Variants in FAM81A observed in about 807,000 individuals in gnomAD.
FAM81A encodes the protein protein FAM81A.
A neutral mutation model predicts 46.7 loss-of-function variants in FAM81A; 19 were observed. The ratio of observed to expected loss-of-function variants is 0.41; its 90% CI spans 0.28 to 0.60. FAM81A has a LOEUF of 0.60. FAM81A is among the 20% of genes least tolerant of loss of function. The probability of loss-of-function intolerance (pLI) is 0.34; values close to 1 mark genes in which losing one functional copy is unlikely to be tolerated. For missense variants in FAM81A, 377 were observed against 453.5 expected (o/e 0.83, Z 1.53); for synonymous variants, 183 against 152.9 (o/e 1.20, Z -1.45).
At chr15:59,488,171 A>G (rs2081941751) in intron 3 of FAM81A, among the ~76,000 whole-genome samples, 1 of 152,234 alleles carries the variant, frequency 6.6e-6, no homozygotes, top group Admixed American at 6.5e-5. Flanking sequence ...GACAAAAAGC[A>G]TATGATCATA....
intron 4 of FAM81A, among the ~76,000 whole-genome samples, chr15:59,505,195 A>G (rs938788717): frequency 2.6e-5 from 4 of 152,096 alleles, no homozygotes; most frequent in African/African-American, 9.7e-5. Context: ...CACTGATTCT[A>G]TCTTCAACTA....
At chr15:59,443,482 C>A (rs554161383) in intron 1 of FAM81A, among the ~76,000 whole-genome samples, 1 of 152,160 alleles carries the variant, frequency 6.6e-6, no homozygotes, top group South Asian at 2.1e-4. Flanking sequence ...AATCTGGGAC[C>A]GTTTCCCAGT....
rs1273771759 is a variant in FAM81A at position 59,438,277 on chromosome 15, G to A, written c.-83G>A. ...GGCAGCCGCGGCGCGCCCACCCCCCGCGCCGGTGAGTGCCGCGCTCTGGGA... is the reference window on the plus strand; with the variant it reads ...GGCAGCCGCGGCGCGCCCACCCCCCACGCCGGTGAGTGCCGCGCTCTGGGA... On this transcript the variant is annotated 5_prime_UTR_variant, in exon 1 of 9. Coordinates refer to ENST00000288228, the MANE Select transcript of FAM81A (RefSeq NM_152450.3). 1.3e-5 allele frequency: 2 copies of A among 151,106 alleles called. No homozygotes were observed. Among genetic ancestry groups the A allele is most frequent in the Non-Finnish European group, 3.0e-5 (2 of 67,686 alleles). 9.4% of individuals were successfully genotyped at this position (151,106 alleles called of 1,614,324 possible). A position where few individuals can be genotyped will look rare whatever the true frequency, so the allele number is the denominator to read the frequency against.
intron 3 of FAM81A, among the ~76,000 whole-genome samples, chr15:59,463,005 A>G (rs972510125): frequency 6.6e-6 from 1 of 152,220 alleles, no homozygotes; most frequent in East Asian, 1.9e-4. Context: ...AAGTGTGAAC[A>G]TTTTTAGTTT....
At chr15:59,416,061 G>A (rs2081145367) in intron 2 of FAM81A, among the ~76,000 whole-genome samples, 1 of 152,142 alleles carries the variant, frequency 6.6e-6, no homozygotes, top group South Asian at 2.1e-4. Flanking sequence ...TCAAACCACA[G>A]AAAAATGGAA....
At chr15:59,499,751 AATT>A (rs1217971798) in intron 4 of FAM81A, among the ~76,000 whole-genome samples, 43 of 152,134 alleles carry the variant, frequency 2.8e-4, no homozygotes, top group African/African-American at 9.9e-4. Context: ...TTGTGGTCTC[AATT>A]ATTTCTGATG....
At chr15:59,413,311 T>G (rs1394242218) in intron 2 of FAM81A, among the ~76,000 whole-genome samples, 1 of 151,798 alleles carries the variant, frequency 6.6e-6, no homozygotes, top group Non-Finnish European at 1.5e-5. Context: ...GCCCAGAGTG[T>G]GAGGGCCCAG....
At chr15:59,480,567 C>T (rs1474338511) in intron 3 of FAM81A, among the ~76,000 whole-genome samples, 1 of 152,188 alleles carries the variant, frequency 6.6e-6, no homozygotes, top group Non-Finnish European at 1.5e-5. Flanking sequence ...GCTTCTGCTC[C>T]GTGCTTGTGT....
intron 1 of FAM81A, among the ~76,000 whole-genome samples, chr15:59,399,101 G>T (rs4774329): frequency 2.7e-4 from 41 of 151,906 alleles, no homozygotes; most frequent in Non-Finnish European, 4.7e-4. Flanking sequence ...CCTGGGAGGC[G>T]GAGGTTATGG....
chr15:59,493,072 GCCTAAGAGCCAAGCACAT>G (rs1436222975), intron 4 of FAM81A, among the ~76,000 whole-genome samples: 1 of 152,178 alleles, frequency 6.6e-6, no homozygotes, highest in Non-Finnish European at 1.5e-5. Flanking sequence ...CCTCTGCTGG[GCCTAAGAGCCAAGCACAT>G]TAATGCATAT....
At chr15:59,499,886 C>G (rs1596532807) in intron 4 of FAM81A, among the ~76,000 whole-genome samples, 1 of 149,282 alleles carries the variant, frequency 6.7e-6, no homozygotes, top group East Asian at 1.9e-4. Flanking sequence ...AGACAGATAC[C>G]CTGTCGCCCA....
At chr15:59,423,317 C>G (rs1238587193) in intron 2 of FAM81A, among the ~76,000 whole-genome samples, 1 of 152,150 alleles carries the variant, frequency 6.6e-6, no homozygotes, top group African/African-American at 2.4e-5. Context: ...CCAGGATGGT[C>G]TCGATCTCCT....
chr15:59,400,563 G>T (rs1343584218), intron 1 of FAM81A, among the ~76,000 whole-genome samples: 2 of 152,124 alleles, frequency 1.3e-5, no homozygotes, highest in Non-Finnish European at 2.9e-5. Flanking sequence ...GTGGCTAACT[G>T]CAGTCTACAC....
At chr15:59,462,214 A>C (rs1349338146) in intron 3 of FAM81A, among the ~76,000 whole-genome samples, 15 of 152,042 alleles carry the variant, frequency 9.9e-5, no homozygotes, top group Admixed American at 1.3e-4. Context: ...AAAAAAAAAA[A>C]AAAAAACATA....
At chr15:59,433,577 A>T (rs1276157223), upstream of FAM81A, among the ~76,000 whole-genome samples, 1 of 152,252 alleles carries the variant, frequency 6.6e-6, no homozygotes, top group East Asian at 1.9e-4. Flanking sequence ...AAGAAAAATT[A>T]CTAGCAAAAA....
chr15:59,446,093 C>T (rs541128454), intron 1 of FAM81A, among the ~76,000 whole-genome samples: 9 of 152,172 alleles, frequency 5.9e-5, no homozygotes, highest in East Asian at 1.9e-4. Flanking sequence ...GGTGAATGAA[C>T]AAATATGTAT....
chr15:59,468,329 G>A (rs552413105), intron 3 of FAM81A, among the ~76,000 whole-genome samples: 5 of 152,174 alleles, frequency 3.3e-5, no homozygotes, highest in South Asian at 4.2e-4. Context: ...CTGTGAATCC[G>A]TCTGGTCCTG....
intron 3 of FAM81A, among the ~76,000 whole-genome samples, chr15:59,479,817 T>C (rs1179550855): frequency 1.3e-5 from 2 of 152,160 alleles, no homozygotes; most frequent in African/African-American, 4.8e-5. Flanking sequence ...TGGGAAGCCA[T>C]TATTTAGTGT....
At chr15:59,480,495 G>A (rs1351787905) in intron 3 of FAM81A, among the ~76,000 whole-genome samples, 2 of 152,162 alleles carry the variant, frequency 1.3e-5, no homozygotes, top group African/African-American at 4.8e-5. Flanking sequence ...GTTTTTTAAA[G>A]ATAGGCCGTA....
Sources: allele counts gnomAD v4.1 joint callset (sites outside exome capture counted in the v4.1 genomes callset), GRCh38; gene constraint gnomAD v4.1.1; transcripts MANE v1.5; gene names NCBI Gene and HGNC (gene_info 2026-07-23, HGNC 2026-07-21).